Variants in NTRK2 observed in about 807,000 individuals in gnomAD.
NTRK2 encodes the protein BDNF/NT-3 growth factors receptor.
NTRK2 carries 13 observed loss-of-function variants against 94.5 expected under a neutral mutation model. The observed-to-expected ratio is 0.14, with a 90% CI of 0.09 to 0.22. The LOEUF is 0.22. Ranked by LOEUF, NTRK2 falls within the 10% of genes least tolerant of loss-of-function variation. NTRK2 has a pLI of 1.00. For missense variants in NTRK2, 639 were observed against 1,071.2 expected (o/e 0.60, Z 5.63); for synonymous variants, 372 against 407.4 (o/e 0.91, Z 1.05).
intron 12 of NTRK2, among the ~76,000 whole-genome samples, chr9:84,772,948 A>G (rs2066697665): frequency 6.6e-6 from 1 of 152,170 alleles, no homozygotes; most frequent in Non-Finnish European, 1.5e-5. Flanking sequence ...TTTGGAGTTG[A>G]TACTGCAGGC....
chr9:85,010,516 A>C (rs1417729024), intron 17 of NTRK2, among the ~76,000 whole-genome samples: 1 of 152,222 alleles, frequency 6.6e-6, no homozygotes, highest in East Asian at 1.9e-4. Context: ...GGAATGCACA[A>C]CTTCCCATTG....
intron 14 of NTRK2, chr9:84,873,720 A>G (rs936988659): frequency 1.9e-6 from 2 of 1,056,522 alleles, no homozygotes; most frequent in African/African-American, 1.6e-5. Flanking sequence ...TTTCAAGCAC[A>G]CTCACAGTGA....
chr9:84,852,628 C>T (rs979527635), intron 12 of NTRK2, among the ~76,000 whole-genome samples: 3 of 152,154 alleles, frequency 2.0e-5, no homozygotes, highest in African/African-American at 7.2e-5. Context: ...AAGAAAAAAT[C>T]TTTCTGGAAT....
chr9:84,881,991 T>G (rs1037110493), intron 14 of NTRK2, among the ~76,000 whole-genome samples: 2 of 152,206 alleles, frequency 1.3e-5, no homozygotes, highest in Admixed American at 1.3e-4. Flanking sequence ...TGGTGGGTAT[T>G]CTTGTTACTT....
At position 84,888,982 on chromosome 9, in the gene NTRK2, ATTTTT is replaced by A. The variant is rs71369159; in HGVS notation, c.1633+21573_1633+21577del. Among the ~76,000 whole-genome samples the A allele has an allele frequency of 3.0e-4, 31 of 101,710 alleles. 1 individual carries two copies. The highest frequency in any genetic ancestry group is 9.6e-4 in the African/African-American group (24 of 25,022). The allele number at this position is 101,710 out of a possible 152,430, so 66.7% of individuals were successfully genotyped here. A position where few individuals can be genotyped will look rare whatever the true frequency, so the allele number is the denominator to read the frequency against. On this transcript the variant is annotated intron_variant, in intron 14 of 18. Coordinates refer to ENST00000277120, the MANE Select transcript of NTRK2 (RefSeq NM_006180.6). ...TCCCCATTATTTATTAATGACAGAA[ATTTTT>A]TTTTTTTTTTTTTTTTTTTTTGAGA... is the stretch of plus-strand genomic sequence containing the variant.
intron 12 of NTRK2, among the ~76,000 whole-genome samples, chr9:84,760,335 T>A (rs371516534): frequency 2.8e-4 from 43 of 152,346 alleles, no homozygotes; most frequent in African/African-American, 8.2e-4. Flanking sequence ...TAGTTACTTT[T>A]CAGATTTATG....
At chr9:84,699,973 A>C (rs1470610649) in intron 2 of NTRK2, among the ~76,000 whole-genome samples, 1 of 152,228 alleles carries the variant, frequency 6.6e-6, no homozygotes, top group Non-Finnish European at 1.5e-5. Flanking sequence ...GCAGATCATA[A>C]TAAAGTCCCC....
At chr9:84,679,157 A>G (rs141855077) in intron 2 of NTRK2, among the ~76,000 whole-genome samples, 98 of 152,338 alleles carry the variant, frequency 6.4e-4, no homozygotes, top group African/African-American at 2.1e-3. Context: ...ACTGTGAGCA[A>G]TACATTTCTG....
chr9:85,025,540 C>A lies in NTRK2; in HGVS notation c.*4103C>A, dbSNP rs1292055430. On this transcript the variant is annotated 3_prime_UTR_variant, in exon 19 of 19. Transcript: ENST00000277120. ...TGTCCTTTTCAAAGCGTCCTAACAG[C>A]AGGATTACCTGGTCAAGTATGGACT... 4.3e-6 allele frequency: 1 copy of A among 233,130 alleles called. No homozygotes were observed. The highest frequency in any genetic ancestry group is 5.6e-5 in the Admixed American group (1 of 17,774). 14.4% of individuals were successfully genotyped at this position (233,130 alleles called of 1,614,324 possible).
chr9:84,872,729 T>C (rs2075911649), intron 14 of NTRK2: 1 of 1,065,120 alleles, frequency 9.4e-7, no homozygotes, highest in Admixed American at 5.3e-5. Context: ...TGTGTGTTTG[T>C]GTGTGCATAT....
chr9:84,841,202 C>G (rs2074163482), intron 12 of NTRK2, among the ~76,000 whole-genome samples: 1 of 152,190 alleles, frequency 6.6e-6, no homozygotes, highest in Non-Finnish European at 1.5e-5. Flanking sequence ...ACTGTAGGCT[C>G]GTATGCCACC....
At chr9:84,885,740 T>A (rs1262929050) in intron 14 of NTRK2, among the ~76,000 whole-genome samples, 1 of 152,178 alleles carries the variant, frequency 6.6e-6, no homozygotes, top group Non-Finnish European at 1.5e-5. Flanking sequence ...AACAAAAGAA[T>A]TAGCTGGTTG....
chr9:84,717,157 C>T (rs1588135730), intron 6 of NTRK2, among the ~76,000 whole-genome samples: 1 of 152,224 alleles, frequency 6.6e-6, no homozygotes, highest in Non-Finnish European at 1.5e-5. Flanking sequence ...AGGCAGAGAA[C>T]AGACAACATT....
At chr9:84,992,542 T>C (rs1829218453) in intron 17 of NTRK2, among the ~76,000 whole-genome samples, 1 of 152,070 alleles carries the variant, frequency 6.6e-6, no homozygotes. Context: ...GAAGGTTTCC[T>C]CCCGGGTTCC....
chr9:84,723,843 T>G, intron 7 of NTRK2, 134 bp downstream of exon 7: 1 of 1,243,494 alleles, frequency 8.0e-7, no homozygotes, highest in Non-Finnish European at 1.2e-6. Context: ...GTTTTTGATG[T>G]ACATTCACTT....
At chr9:84,877,872 T>G in intron 14 of NTRK2, 1 of 1,030,894 alleles carries the variant, frequency 9.7e-7, no homozygotes, top group Non-Finnish European at 1.2e-6. Flanking sequence ...CAAACGCATA[T>G]ACCAATAAAG....
intron 17 of NTRK2, among the ~76,000 whole-genome samples, chr9:84,968,329 T>G (rs538876849): frequency 6.6e-6 from 1 of 152,320 alleles, no homozygotes; most frequent in Admixed American, 6.5e-5. Context: ...CCTGGTGTAT[T>G]CTCAGAGCTC....
At chr9:84,752,634 G>A (rs1179718088) in intron 12 of NTRK2, among the ~76,000 whole-genome samples, 1 of 152,116 alleles carries the variant, frequency 6.6e-6, no homozygotes, top group Non-Finnish European at 1.5e-5. Context: ...GGAAAAATTA[G>A]CAGGGCTAGA....
intron 14 of NTRK2, among the ~76,000 whole-genome samples, chr9:84,920,945 C>G (rs138789914): frequency 6.6e-6 from 1 of 152,194 alleles, no homozygotes; most frequent in African/African-American, 2.4e-5. Flanking sequence ...ATAATCTACT[C>G]GGAATATTTG....
Sources: gnomAD v4.1 joint callset for allele counts (sites outside exome capture counted in the v4.1 genomes callset) on GRCh38, gnomAD v4.1.1 for gene constraint, MANE v1.5 for transcripts, NCBI Gene and HGNC (gene_info 2026-07-23, HGNC 2026-07-21) for gene names.